GOLPH3L: variants seen among roughly 807,000 people sequenced by gnomAD.
GOLPH3L encodes the protein Golgi phosphoprotein 3-like.
A neutral mutation model predicts 30.3 loss-of-function variants in GOLPH3L; 22 were observed. The ratio of observed to expected loss-of-function variants is 0.73; its 90% confidence interval spans 0.52 to 1.04. The LOEUF is 1.04. Ranked by LOEUF, GOLPH3L falls within the 50% of genes least tolerant of loss-of-function variation. The probability of loss-of-function intolerance (pLI) is 0.00; values close to 1 mark genes in which losing one functional copy is unlikely to be tolerated. For missense variants in GOLPH3L, 303 were observed against 345.8 expected, an observed-to-expected ratio of 0.88 and a Z score of 0.98; for synonymous variants, 120 against 128.2, an observed-to-expected ratio of 0.94 and a Z score of 0.43.
chr1:150,668,735 G>T (rs1650573338), intron 2 of GOLPH3L, among the ~76,000 whole-genome samples: 1 of 151,856 alleles, frequency 6.6e-6, no homozygotes, highest in Admixed American at 6.6e-5. Context: ...TTTTTTTTAG[G>T]TTAACACTTG....
chr1:150,673,826 G>A (rs1005041328), intron 2 of GOLPH3L, among the ~76,000 whole-genome samples: 1 of 150,300 alleles, frequency 6.7e-6, no homozygotes, highest in Non-Finnish European at 1.5e-5. Context: ...TTGGGAGGCT[G>A]AGGCAGGAGA....
At chr1:150,681,938 C>T (rs908145583) in intron 2 of GOLPH3L, among the ~76,000 whole-genome samples, 2 of 151,822 alleles carry the variant, frequency 1.3e-5, no homozygotes, top group African/African-American at 4.8e-5. Context: ...ATGTGGCAGG[C>T]GCCTGTAATC....
intron 2 of GOLPH3L, among the ~76,000 whole-genome samples, chr1:150,685,079 G>C (rs747660735): frequency 6.6e-6 from 1 of 152,102 alleles, no homozygotes; most frequent in Non-Finnish European, 1.5e-5. Flanking sequence ...TTTATGACTA[G>C]AATATCTTGT....
At chr1:150,668,467 C>T (rs1277712945) in intron 2 of GOLPH3L, among the ~76,000 whole-genome samples, 3 of 152,132 alleles carry the variant, frequency 2.0e-5, no homozygotes, top group Admixed American at 6.6e-5. Flanking sequence ...ACTGCAACCT[C>T]CACCTCCCTG....
intron 2 of GOLPH3L, among the ~76,000 whole-genome samples, chr1:150,668,742 CTTG>C (rs1287568235): frequency 6.6e-6 from 1 of 151,964 alleles, no homozygotes; most frequent in East Asian, 1.9e-4. Flanking sequence ...TAGGTTAACA[CTTG>C]TTTTTTTTTA....
At chr1:150,654,657 A>C (rs1650202769) in intron 4 of GOLPH3L, among the ~76,000 whole-genome samples, 2 of 152,350 alleles carry the variant, frequency 1.3e-5, no homozygotes, top group South Asian at 4.1e-4. Flanking sequence ...TAAATTTGGG[A>C]AACGCCATGA....
chr1:150,658,843 G>A (rs1013805251), intron 4 of GOLPH3L, among the ~76,000 whole-genome samples: 1 of 152,176 alleles, frequency 6.6e-6, no homozygotes, highest in African/African-American at 2.4e-5. Context: ...CTAAACATAA[G>A]GATTTGTGGA....
intron 4 of GOLPH3L, among the ~76,000 whole-genome samples, chr1:150,649,675 G>A (rs371795626): frequency 6.6e-5 from 10 of 152,268 alleles, no homozygotes; most frequent in African/African-American, 2.2e-4. Flanking sequence ...AGAGCAGGAC[G>A]TGGGGCTTGA....
chr1:150,654,864 G>C (rs903045061), intron 4 of GOLPH3L, among the ~76,000 whole-genome samples: 2 of 152,220 alleles, frequency 1.3e-5, no homozygotes, highest in African/African-American at 4.8e-5. Context: ...CAGCGGGAAC[G>C]ATAAGATTAC....
intron 3 of GOLPH3L, 111 bp downstream of exon 3, chr1:150,663,521 G>T: frequency 1.0e-6 from 1 of 964,970 alleles, no homozygotes; most frequent in Non-Finnish European, 1.5e-6. Flanking sequence ...TGGAACTGCT[G>T]AGTCAGTGAT....
At chr1:150,663,247 A>G (rs1051854688) in intron 3 of GOLPH3L, among the ~76,000 whole-genome samples, 1 of 151,876 alleles carries the variant, frequency 6.6e-6, no homozygotes, top group Non-Finnish European at 1.5e-5. Context: ...TCACCGTGTT[A>G]GCCAGGATGG....
intron 2 of GOLPH3L, among the ~76,000 whole-genome samples, chr1:150,680,039 G>T (rs587697031): frequency 6.6e-6 from 1 of 152,270 alleles, no homozygotes; most frequent in East Asian, 1.9e-4. Flanking sequence ...AGACTCCACA[G>T]AAATGATTCC....
At chr1:150,659,641 T>C (rs1479522286) in intron 4 of GOLPH3L, among the ~76,000 whole-genome samples, 5 of 152,140 alleles carry the variant, frequency 3.3e-5, no homozygotes, top group Non-Finnish European at 5.9e-5. Flanking sequence ...CTCCACACTA[T>C]ATTTCTGTGT....
Position 150,695,891 on chromosome 1 carries a change from A to T in GOLPH3L, c.-12-1041T>A, listed in dbSNP as rs587765903. The stretch of plus-strand genomic sequence containing the variant: ...CAAGAGAGTGTTGAAAGATTAACAA[A>T]TTTTCTCAATTTAAAAAAAAAAGTC... On this transcript the variant is annotated intron_variant, in intron 1 of 4. Transcript: ENST00000271732. Among the ~76,000 whole-genome samples, 24 of 152,110 alleles carry T rather than the reference A, an allele frequency of 1.6e-4. No individual in the cohort carries two copies. The South Asian group carries it at 5.0e-3, about 32-fold the overall frequency.
chr1:150,659,683 G>C (rs1353766449), intron 4 of GOLPH3L, among the ~76,000 whole-genome samples: 1 of 152,002 alleles, frequency 6.6e-6, no homozygotes, highest in Non-Finnish European at 1.5e-5. Flanking sequence ...AGCGCCACTG[G>C]GTTAGGGTCT....
chr1:150,692,426 T>A (rs890441022), intron 2 of GOLPH3L, among the ~76,000 whole-genome samples: 1 of 152,222 alleles, frequency 6.6e-6, no homozygotes, highest in African/African-American at 2.4e-5. Flanking sequence ...TGCTCTGTTG[T>A]TCAGGCTGGA....
intron 2 of GOLPH3L, among the ~76,000 whole-genome samples, chr1:150,666,471 A>G (rs1434263226): frequency 6.6e-6 from 1 of 152,022 alleles, no homozygotes; most frequent in Non-Finnish European, 1.5e-5. Flanking sequence ...CAGCCTCCCA[A>G]GTAGCTGGGA....
Position 150,647,044 on chromosome 1 carries a change from A to G in GOLPH3L, c.*1277T>C, listed in dbSNP as rs941632063. On this transcript the variant is annotated 3_prime_UTR_variant, in exon 5 of 5. Coordinates refer to ENST00000271732, the MANE Select transcript of GOLPH3L (RefSeq NM_018178.6). ...GAGCACATCTATGGATTAAATATAG[A>G]CAAAACTACTCCCAGAAACCTTAAA... 1.3e-5 allele frequency: 2 copies of G among 152,242 alleles called. No individual in the cohort carries two copies. Among genetic ancestry groups the G allele is most frequent in the Non-Finnish European group, 2.9e-5 (2 of 68,038 alleles). 9.4% of individuals were successfully genotyped at this position (152,242 alleles called of 1,614,324 possible).
intron 2 of GOLPH3L, among the ~76,000 whole-genome samples, chr1:150,683,712 AAAAAAAAAAAAAAAAAAAAAAG>A (rs1283131161): frequency 7.3e-6 from 1 of 137,520 alleles, no homozygotes; most frequent in Non-Finnish European, 1.5e-5. Flanking sequence ...AAAAAAAAAA[AAAAAAAAAAAAAAAAAAAAAAG>A]AGAGATACTC....
Sources: gnomAD v4.1 joint callset for allele counts (sites outside exome capture counted in the v4.1 genomes callset) on GRCh38, gnomAD v4.1.1 for gene constraint, MANE v1.5 for transcripts, NCBI Gene and HGNC (gene_info 2026-07-23, HGNC 2026-07-21) for gene names.